SPAG16: variants seen among roughly 807,000 people sequenced by gnomAD.
SPAG16 encodes the protein sperm-associated antigen 16 protein.
In SPAG16, 86 loss-of-function variants were observed where a neutral mutation model predicts 80.4. The observed-to-expected ratio is 1.07, with a 90% CI of 0.90 to 1.28. The LOEUF is 1.28. Among genes scored for constraint, SPAG16 ranks in the 50% most tolerant of loss-of-function variants. The pLI is 0.00. For missense variants in SPAG16, 870 were observed against 765.3 expected, an observed-to-expected ratio of 1.14 and a Z score of -1.61; for synonymous variants, 294 against 265.9, an observed-to-expected ratio of 1.11 and a Z score of -1.03.
intron 10 of SPAG16, among the ~76,000 whole-genome samples, chr2:213,822,556 T>G (rs966361656): frequency 1.3e-5 from 2 of 152,230 alleles, no homozygotes; most frequent in African/African-American, 4.8e-5. Context: ...TTGTTTACTT[T>G]TGCTTTGATT....
chr2:213,617,521 T>C (rs2061639389), intron 10 of SPAG16, among the ~76,000 whole-genome samples: 1 of 152,208 alleles, frequency 6.6e-6, no homozygotes, highest in East Asian at 1.9e-4. Context: ...TTTGTATTTT[T>C]AGTAGAGGCC....
chr2:213,597,610 A>G (rs534075547), intron 10 of SPAG16, among the ~76,000 whole-genome samples: 19 of 152,270 alleles, frequency 1.2e-4, no homozygotes, highest in South Asian at 4.1e-4. Context: ...GTTAATTTAC[A>G]TAAGTGTCAC....
chr2:214,168,488 G>A (rs2056749749), intron 15 of SPAG16, among the ~76,000 whole-genome samples: 1 of 151,890 alleles, frequency 6.6e-6, no homozygotes, highest in South Asian at 2.1e-4. Context: ...TCTCACACAT[G>A]ACACGCACGC....
At chr2:213,697,538 ACC>A (rs556717779) in intron 10 of SPAG16, among the ~76,000 whole-genome samples, 19 of 152,270 alleles carry the variant, frequency 1.2e-4, no homozygotes, top group Middle Eastern at 3.4e-3. Context: ...ACATGAGATT[ACC>A]CTATATTTAT....
chr2:213,629,329 C>G (rs2062063358), intron 10 of SPAG16, among the ~76,000 whole-genome samples: 1 of 152,136 alleles, frequency 6.6e-6, no homozygotes, highest in Non-Finnish European at 1.5e-5. Flanking sequence ...TGTTACCAAC[C>G]CACAGTTCTA....
chr2:213,524,552 CAGGGG>C (rs2075810243), intron 10 of SPAG16, among the ~76,000 whole-genome samples: 1 of 152,226 alleles, frequency 6.6e-6, no homozygotes, highest in Non-Finnish European at 1.5e-5. Context: ...TGCAAAGCCA[CAGGGG>C]TGGAGCTGCC....
At chr2:214,009,832 C>A (rs561259175) in intron 12 of SPAG16, among the ~76,000 whole-genome samples, 1 of 152,254 alleles carries the variant, frequency 6.6e-6, no homozygotes, top group East Asian at 1.9e-4. Context: ...ATTTTCCCAC[C>A]TTTTGCCATT....
chr2:213,666,036 G>A (rs958762118), intron 10 of SPAG16, among the ~76,000 whole-genome samples: 1 of 152,136 alleles, frequency 6.6e-6, no homozygotes, highest in Admixed American at 6.6e-5. Context: ...TGGGTTGGGC[G>A]TGAAAGCACT....
At chr2:214,264,250 C>T (rs1001900906) in intron 15 of SPAG16, among the ~76,000 whole-genome samples, 1 of 152,086 alleles carries the variant, frequency 6.6e-6, no homozygotes, top group Non-Finnish European at 1.5e-5. Context: ...TTCCAGTGTA[C>T]CTTATATAAA....
chr2:213,846,598 G>T (rs1468564838), intron 10 of SPAG16, among the ~76,000 whole-genome samples: 1 of 151,806 alleles, frequency 6.6e-6, no homozygotes, highest in African/African-American at 2.4e-5. Context: ...AAATAATAAT[G>T]GAGTTATTTT....
At chr2:214,084,109 T>C (rs543780585) in intron 13 of SPAG16, among the ~76,000 whole-genome samples, 2 of 152,280 alleles carry the variant, frequency 1.3e-5, no homozygotes, top group South Asian at 4.1e-4. Flanking sequence ...TTCATCCATC[T>C]TCTCTTCCTT....
intron 3 of SPAG16, among the ~76,000 whole-genome samples, chr2:213,303,387 ATTTC>A (rs911308241): frequency 3.9e-5 from 6 of 151,992 alleles, no homozygotes; most frequent in African/African-American, 1.4e-4. Flanking sequence ...AAGCATTTAT[ATTTC>A]TTTATATTAC....
chr2:213,317,601 T>C (rs1424653456), intron 5 of SPAG16: 36 of 1,135,106 alleles, frequency 3.2e-5, no homozygotes, highest in Non-Finnish European at 3.6e-5. Flanking sequence ...ATTTTTTATA[T>C]AACATTCACT....
At chr2:213,357,654 G>A (rs1223391417) in intron 7 of SPAG16, among the ~76,000 whole-genome samples, 1 of 152,084 alleles carries the variant, frequency 6.6e-6, no homozygotes, top group Non-Finnish European at 1.5e-5. Context: ...GTGTGTCTCT[G>A]CACATGAGAT....
intron 11 of SPAG16, among the ~76,000 whole-genome samples, chr2:213,920,295 G>A (rs565824111): frequency 6.6e-6 from 1 of 152,272 alleles, no homozygotes; most frequent in South Asian, 2.1e-4. Context: ...TAAAGTTATT[G>A]TTGATATGTG....
At chr2:214,174,156 T>C (rs2056986457) in intron 15 of SPAG16, among the ~76,000 whole-genome samples, 1 of 152,070 alleles carries the variant, frequency 6.6e-6, no homozygotes, top group South Asian at 2.1e-4. Flanking sequence ...AGCATTCCCT[T>C]TGAAAACTGG....
At chr2:213,537,505 T>C (rs2076291980) in intron 10 of SPAG16, among the ~76,000 whole-genome samples, 1 of 151,698 alleles carries the variant, frequency 6.6e-6, no homozygotes, top group Non-Finnish European at 1.5e-5. Flanking sequence ...CTCCAAGGGC[T>C]GGTAGTGGAA....
intron 15 of SPAG16, among the ~76,000 whole-genome samples, chr2:214,365,486 G>A (rs1229370384): frequency 6.6e-6 from 1 of 152,058 alleles, no homozygotes; most frequent in Non-Finnish European, 1.5e-5. Context: ...AAAATTACAA[G>A]ACATCAGAAA....
At chr2:213,366,151 A>C (rs987154867) in intron 8 of SPAG16, among the ~76,000 whole-genome samples, 3 of 151,332 alleles carry the variant, frequency 2.0e-5, no homozygotes, top group African/African-American at 7.3e-5. Flanking sequence ...CAAAAAAAAA[A>C]AAAAAAAAGA....
Sources: gnomAD v4.1 joint callset for allele counts (sites outside exome capture counted in the v4.1 genomes callset) on GRCh38, gnomAD v4.1.1 for gene constraint, MANE v1.5 for transcripts, NCBI Gene and HGNC (gene_info 2026-07-23, HGNC 2026-07-21) for gene names.